The following GPRC6A variants were observed in gnomAD, a reference collection of about 807,000 sequenced individuals.
GPRC6A encodes G protein-coupled receptor class C group 6 member A.
In GPRC6A, 54 loss-of-function variants were observed where a neutral mutation model predicts 47.0. The observed-to-expected ratio is 1.15, with a 90% CI of 0.92 to 1.44. The LOEUF (loss-of-function observed/expected upper bound fraction) is 1.44. Among genes scored for constraint, GPRC6A ranks in the 40% most tolerant of loss-of-function variants. The pLI, the probability that GPRC6A is intolerant of heterozygous loss-of-function variation, is 0.00. For missense variants in GPRC6A, 1,112 were observed against 1,105.5 expected, an observed-to-expected ratio of 1.01 and a Z score of -0.08; for synonymous variants, 347 against 377.1, an observed-to-expected ratio of 0.92 and a Z score of 0.93.
At chr6:116,823,972 A>G (rs990511659) in intron 1 of GPRC6A, among the ~76,000 whole-genome samples, 4 of 152,088 alleles carry the variant, frequency 2.6e-5, no homozygotes, top group African/African-American at 4.8e-5. Flanking sequence ...AACTGCTCCC[A>G]TGATCCAATC....
In GPRC6A at chr6:116,803,214, T is replaced by G. The variant is rs146433060; in HGVS notation, c.1336-2418A>C. ...ATCTCCAAATATTCTTCATCCTCCC[T>G]CTTAAATATCCATATATACATCTTT... is the stretch of plus-strand genomic sequence containing the variant. On this transcript the variant is annotated intron_variant, in intron 3 of 5. Coordinates refer to ENST00000310357, the MANE Select transcript of GPRC6A (RefSeq NM_148963.4). 3.3e-5 allele frequency among the ~76,000 whole-genome samples: 5 copies of G among 152,206 alleles called. No individual in the cohort carries two copies. In the East Asian group the frequency reaches 9.7e-4, roughly 29 times the overall value.
At chr6:116,822,040 A>T (rs1773504800) in intron 1 of GPRC6A, among the ~76,000 whole-genome samples, 1 of 145,128 alleles carries the variant, frequency 6.9e-6, no homozygotes, top group African/African-American at 2.7e-5. Context: ...CCCATCAAAA[A>T]GTGGGTGAAG....
intron 1 of GPRC6A, among the ~76,000 whole-genome samples, chr6:116,818,521 G>A (rs1391847110): frequency 2.5e-4 from 11 of 44,222 alleles, no homozygotes; most frequent in Non-Finnish European, 5.5e-4. Flanking sequence ...GCGACAGAGC[G>A]AGACTCCGTC....
chr6:116,806,731 C>A lies in GPRC6A; in HGVS notation c.974G>T (p.Gly325Val). The A allele has an allele frequency of 6.2e-7, 1 of 1,613,186 alleles. No homozygotes were observed. Among genetic ancestry groups the A allele is most frequent in the Non-Finnish European group, 8.5e-7 (1 of 1,179,458 alleles). The change falls in exon 3 of 6, where the codon GGG becomes GTG. Residue 325 changes from glycine (G) to valine (V), a missense_variant. Transcript: ENST00000310357. The stretch of plus-strand genomic sequence containing the variant: ...TATATTCCCTCTTCTAAAGGCAAAC[C>A]CTACAACTTTGCCAATCTTTTTAAC... ...PNVKKIGKVV[G>V]FAFRRGNISS...
rs200280157 is a variant in GPRC6A, at chr6:116,811,153, CTG to C, written c.195-1538_195-1537del. ...ACTGCATCATAGCTCCCATTAATAA[CTG>C]TACCTAGGCCACTGAGGAAATGTCA... On this transcript the variant is annotated intron_variant, in intron 1 of 5. Coordinates refer to ENST00000310357, the MANE Select transcript of GPRC6A (RefSeq NM_148963.4). 8.2e-3 allele frequency among the ~76,000 whole-genome samples: 1,242 copies of C among 152,296 alleles called. 7 individuals carry two copies. The highest frequency in any genetic ancestry group is 0.014 in the Non-Finnish European group (964 of 68,026).
chr6:116,818,914 G>C (rs1338709594), intron 1 of GPRC6A, among the ~76,000 whole-genome samples: 1 of 152,100 alleles, frequency 6.6e-6, no homozygotes, highest in Non-Finnish European at 1.5e-5. Flanking sequence ...CAGACTGGCA[G>C]ATTGGATAAA....
chr6:116,797,687 TAAGTATTGATAACA>T (rs1427484029), intron 4 of GPRC6A, among the ~76,000 whole-genome samples: 1 of 152,206 alleles, frequency 6.6e-6, no homozygotes, highest in Non-Finnish European at 1.5e-5. Context: ...AGTCTGGAGA[TAAGTATTGATAACA>T]ACAGTGTTTC....
intron 4 of GPRC6A, among the ~76,000 whole-genome samples, chr6:116,796,553 G>A (rs1011474406): frequency 3.3e-5 from 5 of 152,114 alleles, no homozygotes; most frequent in Admixed American, 1.3e-4. Flanking sequence ...AATCTGCTTT[G>A]TCATGTCACT....
Position 116,793,192 on chromosome 6 carries a change from A to G in GPRC6A, c.1731T>C (p.Thr577=), listed in dbSNP as rs746784070. 1.2e-6 allele frequency: 2 copies of G among 1,611,766 alleles called. No individual in the cohort carries two copies. The highest frequency in any genetic ancestry group is 1.7e-6 in the Non-Finnish European group (2 of 1,178,536). ...ATTCCACTTCCTTTTCAAAGCACATAGTGCTCCTAACAGGGGCCCAGTGAG... is the reference window on the plus strand; with the variant it reads ...ATTCCACTTCCTTTTCAAAGCACATGGTGCTCCTAACAGGGGCCCAGTGAG... ...NKTHWAPVRS[T]MCFEKEVEYL... The change falls in exon 6 of 6, where the codon ACT becomes ACC. Residue 577 remains threonine, a synonymous_variant. Transcript: ENST00000310357.
chr6:116,798,289 A>G (rs1168107905), intron 4 of GPRC6A, among the ~76,000 whole-genome samples: 1 of 152,186 alleles, frequency 6.6e-6, no homozygotes, highest in African/African-American at 2.4e-5. Flanking sequence ...AAAAGACAGA[A>G]AGGAATAAGA....
intron 1 of GPRC6A, among the ~76,000 whole-genome samples, chr6:116,813,436 G>T (rs535107872): frequency 1.3e-5 from 2 of 152,170 alleles, no homozygotes; most frequent in African/African-American, 4.8e-5. Context: ...CAGAACAGCG[G>T]CCTCAGGAAT....
chr6:116,801,706 A>T (rs1772680900), intron 3 of GPRC6A, among the ~76,000 whole-genome samples: 1 of 152,190 alleles, frequency 6.6e-6, no homozygotes, highest in South Asian at 2.1e-4. Flanking sequence ...AAGTAAATAG[A>T]TTAGCTATGA....
intron 2 of GPRC6A, among the ~76,000 whole-genome samples, chr6:116,807,691 A>C (rs185616052): frequency 4.5e-4 from 68 of 152,306 alleles, no homozygotes; most frequent in African/African-American, 1.6e-3. Context: ...GAGATATAAA[A>C]TATTTTAAGC....
At position 116,809,550 on chromosome 6, in the gene GPRC6A, T is replaced by G; in HGVS notation, c.262A>C (p.Thr88Pro). The change falls in exon 2 of 6, where the codon ACA (threonine) becomes CCA (proline). Residue 88 changes from threonine to proline, a missense_variant. By Grantham distance (38) the Thr-to-Pro change is conservative (BLOSUM62 -1). Coordinates refer to ENST00000310357, the MANE Select transcript of GPRC6A (RefSeq NM_148963.4). The part of the protein sequence containing the change: ...IHSIEMINNS[T>P]LLPGVKLGYE... ...CCCAGTTTGACTCCAGGTAAGAGTG[T>G]TGAATTGTTGATCATCTCAATGCTG... The G allele has an allele frequency of 6.2e-7, 1 of 1,612,824 alleles. No homozygotes were observed. Among genetic ancestry groups the G allele is most frequent in the Non-Finnish European group, 8.5e-7 (1 of 1,178,974 alleles).
At chr6:116,794,941 A>G (rs1484553524) in intron 5 of GPRC6A, among the ~76,000 whole-genome samples, 1 of 152,158 alleles carries the variant, frequency 6.6e-6, no homozygotes, top group African/African-American at 2.4e-5. Flanking sequence ...CAAAAAGAAT[A>G]GGCATTTGGG....
At chr6:116,826,745 A>G (rs1432121800) in intron 1 of GPRC6A, among the ~76,000 whole-genome samples, 4 of 151,982 alleles carry the variant, frequency 2.6e-5, no homozygotes, top group Admixed American at 1.3e-4. Context: ...GGATACCTGC[A>G]CTCACATGCT....
In GPRC6A at chr6:116,828,898, C is replaced by T; in HGVS notation, c.116G>A (p.Gly39Glu). 10 of 1,613,284 alleles carry T rather than the reference C, an allele frequency of 6.2e-6. No individual in the cohort carries two copies. Among genetic ancestry groups the T allele is most frequent in the Non-Finnish European group, 8.5e-6 (10 of 1,179,560 alleles). Reference protein sequence around the residue: ...AATSPGHIIIGGLFAIHEKML... With the variant: ...AATSPGHIIIEGLFAIHEKML... ...TTTTTCATGAATAGCAAACAAACCT[C>T]CAATTATGATATGTCCCGGAGAAGT... Residue 39 changes from glycine to glutamate, a missense_variant, in exon 1 of 6, where the codon GGA becomes GAA. Transcript: ENST00000310357.
At chr6:116,808,028 A>G (rs1427015410) in intron 2 of GPRC6A, among the ~76,000 whole-genome samples, 2 of 149,180 alleles carry the variant, frequency 1.3e-5, no homozygotes, top group East Asian at 3.9e-4. Flanking sequence ...TACAGCTGCC[A>G]TGTGGTGTGA....
Position 116,818,290 on chromosome 6 carries a change from T to C in GPRC6A, c.195-8673A>G, listed in dbSNP as rs1194703452. Reference sequence around the variant, plus strand: ...TGGCTCACGCCTGTAATCCCAGCACTTTGGGAGGCCGAGGCGGGCGGATCA... The same window carrying C: ...TGGCTCACGCCTGTAATCCCAGCACCTTGGGAGGCCGAGGCGGGCGGATCA... On this transcript the variant is annotated intron_variant, in intron 1 of 5. Transcript: ENST00000310357. Among the ~76,000 whole-genome samples, 36 of 151,254 alleles carry C rather than the reference T, an allele frequency of 2.4e-4. 1 individual carries two copies. Among genetic ancestry groups the C allele is most frequent in the Non-Finnish European group, 4.4e-5 (3 of 67,794 alleles).
Sources: allele counts gnomAD v4.1 joint callset (sites outside exome capture counted in the v4.1 genomes callset), GRCh38; gene constraint gnomAD v4.1.1; transcripts MANE v1.5; gene names NCBI Gene and HGNC (gene_info 2026-07-23, HGNC 2026-07-21).